Variants in SLC2A12 observed in about 807,000 individuals in gnomAD.
The protein encoded by SLC2A12 is solute carrier family 2, facilitated glucose transporter member 12.
SLC2A12 carries 23 observed loss-of-function variants against 41.8 expected under a neutral mutation model. The ratio of observed to expected loss-of-function variants is 0.55; its 90% CI spans 0.40 to 0.78. The LOEUF is 0.78. Among genes scored for constraint, SLC2A12 ranks in the 30% least tolerant of loss-of-function variants. The pLI is 0.00. For synonymous variants in SLC2A12, 295 were observed against 285.9 expected (o/e 1.03, Z -0.32); for missense variants, 654 against 745.6 (o/e 0.88, Z 1.43).
At chr6:134,043,791 A>C (rs1466604860) in intron 1 of SLC2A12, among the ~76,000 whole-genome samples, 14 of 121,372 alleles carry the variant, frequency 1.2e-4, no homozygotes, top group African/African-American at 3.4e-4. Flanking sequence ...ACTCTGTCCC[A>C]AAAAAAAAAA....
rs35068923 is a variant in SLC2A12, at chr6:133,987,624, TTGTGTGTGTGTGTG to T, written c.*3517_*3530del. 2 of 139,752 alleles carry T rather than the reference TTGTGTGTGTGTGTG, an allele frequency of 1.4e-5. No individual in the cohort carries two copies. The highest frequency in any genetic ancestry group is 1.5e-4 in the Admixed American group (2 of 13,614). The allele number at this position is 139,752 out of a possible 1,614,324, so 8.7% of individuals were successfully genotyped here. A position where few individuals can be genotyped will look rare whatever the true frequency, so the allele number is the denominator to read the frequency against. ...TGTTGGCTTCTTTTTGAAGTGTATT[TTGTGTGTGTGTGTG>T]TGTGTGTGTGTATATATATATATAT... On this transcript the variant is annotated 3_prime_UTR_variant, in exon 5 of 5. Transcript: ENST00000275230.
At chr6:134,009,208 C>G (rs1306451701) in intron 2 of SLC2A12, 1 of 152,190 alleles carries the variant, frequency 6.6e-6, no homozygotes, top group African/African-American at 2.4e-5. Context: ...ATCCACATTG[C>G]AAGCCTGTCC....
At position 134,029,395 on chromosome 6, in the gene SLC2A12, T is replaced by A; in HGVS notation, c.430A>T (p.Ile144Phe). Residue 144 changes from isoleucine to phenylalanine, a missense_variant, in exon 2 of 5, where the codon ATC (isoleucine) becomes TTC (phenylalanine). Physicochemically the swap from Ile to Phe is conservative, Grantham distance 21. Coordinates refer to ENST00000275230, the MANE Select transcript of SLC2A12 (RefSeq NM_145176.3). Reference sequence around the variant, plus strand: ...CAAGTGGCAATGGAAGAGAGGGAGATGGAGACCCCTATGGCAATGCGTCCC... The same window carrying A: ...CAAGTGGCAATGGAAGAGAGGGAGAAGGAGACCCCTATGGCAATGCGTCCC... ...IVGRIAIGVS[I>F]SLSSIATCVY... 1 of 1,614,154 alleles carries A rather than the reference T, an allele frequency of 6.2e-7. No individual in the cohort carries two copies. Among genetic ancestry groups the A allele is most frequent in the Non-Finnish European group, 8.5e-7 (1 of 1,180,036 alleles).
rs1165164380 is a variant in SLC2A12, at chr6:133,987,646, G to GTATATATA, written c.*3508_*3509insTATATATA. The GTATATATA allele has an allele frequency of 3.7e-3, 495 of 133,220 alleles. 2 individuals carry two copies. Among genetic ancestry groups the GTATATATA allele is most frequent in the African/African-American group, 0.013 (476 of 36,136 alleles). The allele number at this position is 133,220 out of a possible 1,614,324, so 8.3% of individuals were successfully genotyped here. A position where few individuals can be genotyped will look rare whatever the true frequency, so the allele number is the denominator to read the frequency against. On this transcript the variant is annotated 3_prime_UTR_variant, in exon 5 of 5. Transcript: ENST00000275230. Reference sequence around the variant, plus strand: ...ATTTTGTGTGTGTGTGTGTGTGTGTGTGTATATATATATATATATATGCAC... The same window carrying GTATATATA: ...ATTTTGTGTGTGTGTGTGTGTGTGTGTATATATATGTATATATATATATATATATGCAC...
Position 134,032,446 on chromosome 6 carries a change from ATAAATATATATATATATATTTT to A in SLC2A12, c.104-2747_104-2726del, listed in dbSNP as rs1471882010. On this transcript the variant is annotated intron_variant, in intron 1 of 4. Transcript: ENST00000275230. ...TATATTTATATATATATATATATAT[ATAAATATATATATATATATTTT>A]TATATATATATATATATATTTGTTC... Among the ~76,000 whole-genome samples the A allele has an allele frequency of 6.9e-3, 320 of 46,364 alleles. 12 individuals are homozygous for A. Among genetic ancestry groups the A allele is most frequent in the African/African-American group, 0.018 (181 of 10,014 alleles). 30.4% of individuals were successfully genotyped at this position (46,364 alleles called of 152,430 possible).
At chr6:134,047,566 T>A (rs186955482) in intron 1 of SLC2A12, among the ~76,000 whole-genome samples, 2 of 152,344 alleles carry the variant, frequency 1.3e-5, no homozygotes, top group Admixed American at 1.3e-4. Context: ...TTTTGAGTTC[T>A]GTCTCTACCA....
intron 1 of SLC2A12, among the ~76,000 whole-genome samples, chr6:134,047,328 G>A (rs188139933): frequency 1.6e-4 from 24 of 152,210 alleles, no homozygotes; most frequent in Non-Finnish European, 3.4e-4. Flanking sequence ...GCATAGTAAT[G>A]GAGGGCCCTT....
At chr6:134,027,791 A>G (rs2114474361) in intron 2 of SLC2A12, among the ~76,000 whole-genome samples, 1 of 152,316 alleles carries the variant, frequency 6.6e-6, no homozygotes, top group Non-Finnish European at 1.5e-5. Flanking sequence ...TGTCCTTGTA[A>G]ATTGTATTAT....
At chr6:134,014,937 A>G (rs1294811593) in intron 2 of SLC2A12, among the ~76,000 whole-genome samples, 1 of 152,224 alleles carries the variant, frequency 6.6e-6, no homozygotes, top group African/African-American at 2.4e-5. Context: ...TCCGAGGGGA[A>G]AACAGGATTT....
intron 1 of SLC2A12, among the ~76,000 whole-genome samples, chr6:134,051,903 C>A (rs1773689057): frequency 6.6e-6 from 1 of 152,118 alleles, no homozygotes; most frequent in Non-Finnish European, 1.5e-5. Context: ...GTTTAAAATA[C>A]TGATTTTTAA....
At position 133,989,266 on chromosome 6, in the gene SLC2A12, A is replaced by G. The variant is rs1467518963; in HGVS notation, c.*1889T>C. The stretch of plus-strand genomic sequence containing the variant: ...TTCCCCCTTTTTATTTTTGAAAATC[A>G]AGAAGCTTGATTTGGTGTGGTGCAA... On this transcript the variant is annotated 3_prime_UTR_variant, in exon 5 of 5. Coordinates refer to ENST00000275230, the MANE Select transcript of SLC2A12 (RefSeq NM_145176.3). The G allele has an allele frequency of 6.6e-6, 1 of 152,174 alleles. No homozygotes were observed. Among genetic ancestry groups the G allele is most frequent in the East Asian group, 1.9e-4 (1 of 5,198 alleles). 9.4% of individuals were successfully genotyped at this position (152,174 alleles called of 1,614,324 possible).
intron 4 of SLC2A12, among the ~76,000 whole-genome samples, chr6:133,994,800 A>G (rs1295187067): frequency 1.3e-5 from 2 of 152,192 alleles, no homozygotes; most frequent in Non-Finnish European, 2.9e-5. Flanking sequence ...TCAGGGGACT[A>G]AGCCCCAGGG....
chr6:134,046,391 G>A (rs911085804), intron 1 of SLC2A12, among the ~76,000 whole-genome samples: 1 of 152,106 alleles, frequency 6.6e-6, no homozygotes, highest in Non-Finnish European at 1.5e-5. Context: ...ATTTTTCTCC[G>A]TGGAATTTTG....
chr6:134,018,753 A>ATT (rs56773136), intron 2 of SLC2A12, among the ~76,000 whole-genome samples: 32,340 of 149,972 alleles, frequency 0.22, 3,673 homozygotes, highest in African/African-American at 0.29. Flanking sequence ...AGGTGTGTTC[A>ATT]TTTTTTTTTT....
intron 3 of SLC2A12, among the ~76,000 whole-genome samples, chr6:134,005,672 A>AG: frequency 2.0e-5 from 2 of 101,876 alleles, no homozygotes; most frequent in Non-Finnish European, 4.6e-5. Context: ...AAAAAAAAAA[A>AG]AAAAAAAAAA....
At chr6:134,010,443 C>T (rs375800533) in intron 2 of SLC2A12, among the ~76,000 whole-genome samples, 12 of 152,154 alleles carry the variant, frequency 7.9e-5, no homozygotes, top group African/African-American at 2.7e-4. Context: ...ACAGTGAGCG[C>T]AGCCACTGGA....
chr6:134,024,574 A>G (rs1777089038), intron 2 of SLC2A12, among the ~76,000 whole-genome samples: 1 of 152,230 alleles, frequency 6.6e-6, no homozygotes, highest in Non-Finnish European at 1.5e-5. Context: ...GGCTGTCTAC[A>G]GATTACCCAG....
intron 2 of SLC2A12, among the ~76,000 whole-genome samples, chr6:134,007,135 G>A (rs1291670203): frequency 6.6e-6 from 1 of 152,226 alleles, no homozygotes; most frequent in African/African-American, 2.4e-5. Flanking sequence ...AGGATTCACA[G>A]AAACATTAGG....
chr6:134,049,753 A>G (rs1438105299), intron 1 of SLC2A12, among the ~76,000 whole-genome samples: 1 of 152,236 alleles, frequency 6.6e-6, no homozygotes, highest in African/African-American at 2.4e-5. Flanking sequence ...CATTCTTTTC[A>G]GTTAAAGAGG....
Sources: allele counts gnomAD v4.1 joint callset (sites outside exome capture counted in the v4.1 genomes callset), GRCh38; gene constraint gnomAD v4.1.1; transcripts MANE v1.5; gene names NCBI Gene and HGNC (gene_info 2026-07-23, HGNC 2026-07-21).